ZNF695: variants seen among roughly 807,000 people sequenced by gnomAD.
ZNF695 encodes the protein zinc finger protein 695, also known as zinc finger protein SBZF3.
ZNF695 carries 11 observed loss-of-function variants against 11.2 expected under a neutral mutation model. The ratio of observed to expected loss-of-function variants is 0.98; its 90% CI spans 0.62 to 1.62. The LOEUF is 1.62. Among genes scored for constraint, ZNF695 ranks in the 40% most tolerant of loss-of-function variants. The probability of loss-of-function intolerance (pLI) is 0.00; values close to 1 mark genes in which losing one functional copy is unlikely to be tolerated. For missense variants in ZNF695, 559 were observed against 590.5 expected, an observed-to-expected ratio of 0.95 and a Z score of 0.55; for synonymous variants, 190 against 201.4, an observed-to-expected ratio of 0.94 and a Z score of 0.48.
chr1:246,997,166 A>C (rs1269659354), intron 3 of ZNF695, among the ~76,000 whole-genome samples: 1 of 152,130 alleles, frequency 6.6e-6, no homozygotes, highest in Non-Finnish European at 1.5e-5. Flanking sequence ...GTTTGAGACC[A>C]GCCTGGGCAG....
intron 5 of ZNF695, among the ~76,000 whole-genome samples, chr1:246,959,095 G>A (rs963269800): frequency 1.3e-5 from 2 of 150,838 alleles, no homozygotes; most frequent in African/African-American, 4.9e-5. Flanking sequence ...AGACAAGCCT[G>A]GGCAACATAG....
intron 4 of ZNF695, among the ~76,000 whole-genome samples, chr1:246,978,783 T>C (rs1400177858): frequency 6.6e-6 from 1 of 152,180 alleles, no homozygotes; most frequent in Non-Finnish European, 1.5e-5. Context: ...CTCCTTCATG[T>C]TACTCACTCA....
intron 1 of ZNF695, among the ~76,000 whole-genome samples, chr1:247,006,941 G>A (rs1210991644): frequency 2.6e-5 from 4 of 152,150 alleles, no homozygotes; most frequent in Admixed American, 2.6e-4. Flanking sequence ...CAAACTTGGA[G>A]AAAAACAAAA....
Position 246,976,788 on chromosome 1 carries a change from C to T in ZNF695, c.391-8996G>A, listed in dbSNP as rs556325654. ...CAGCCTGGGCGACAGAGCGAAACTC[C>T]GTCTCAAATAAATAAATAAATAAAT... On this transcript the variant is annotated intron_variant, in intron 4 of 5. Coordinates refer to the ZNF695 transcript ENST00000487338. Among the ~76,000 whole-genome samples the T allele has an allele frequency of 2.8e-4, 42 of 150,974 alleles. No homozygotes were observed. In the South Asian group the frequency reaches 6.9e-3, roughly 25 times the overall value.
chr1:246,997,294 G>T (rs2818894), intron 3 of ZNF695, among the ~76,000 whole-genome samples: 1 of 152,110 alleles, frequency 6.6e-6, no homozygotes, highest in Non-Finnish European at 1.5e-5. Context: ...CTTGAGGTCA[G>T]GAGTTCAAGA....
chr1:246,976,317 AT>A (rs1452089079), intron 4 of ZNF695, among the ~76,000 whole-genome samples: 1 of 152,126 alleles, frequency 6.6e-6, no homozygotes. Flanking sequence ...TTGCAAAACA[AT>A]TTTTTAATTA....
intron 4 of ZNF695, among the ~76,000 whole-genome samples, chr1:246,976,551 T>C (rs561274958): frequency 1.3e-5 from 2 of 151,810 alleles, no homozygotes; most frequent in Admixed American, 6.6e-5. Context: ...TCCCAGCACT[T>C]TGGGAGGCCA....
chr1:246,958,367 C>A (rs1475204708), intron 5 of ZNF695, among the ~76,000 whole-genome samples: 4 of 151,946 alleles, frequency 2.6e-5, no homozygotes. Context: ...CGGGACTTGT[C>A]TTATGATTGC....
intron 4 of ZNF695, among the ~76,000 whole-genome samples, chr1:246,971,483 C>A (rs1346861482): frequency 7.2e-5 from 11 of 152,216 alleles, no homozygotes; most frequent in Non-Finnish European, 2.9e-5. Flanking sequence ...GGGAGACTCC[C>A]TTTCCTGGTC....
At chr1:246,985,232 T>C (rs940129654), downstream of ZNF695, 7 of 913,308 alleles carry the variant, frequency 7.7e-6, no homozygotes, top group Non-Finnish European at 9.2e-6. Context: ...AAAGCATGTA[T>C]ATGTTTTGCA....
At chr1:247,004,256 A>C (rs988805490) in intron 1 of ZNF695, among the ~76,000 whole-genome samples, 25 of 152,266 alleles carry the variant, frequency 1.6e-4, no homozygotes, top group African/African-American at 6.0e-4. Context: ...ACCAAGTGGG[A>C]TTTATCCCAG....
intron 5 of ZNF695, among the ~76,000 whole-genome samples, chr1:246,957,931 T>C (rs114699837): frequency 0.017 from 2,546 of 152,260 alleles, 35 homozygotes; most frequent in African/African-American, 0.038. Context: ...GTATATTTAT[T>C]ACTACATGCA....
chr1:246,953,566 G>A (rs371776966), intron 5 of ZNF695, among the ~76,000 whole-genome samples: 14 of 148,810 alleles, frequency 9.4e-5, no homozygotes, highest in African/African-American at 1.5e-4. Context: ...AGCCAAGATC[G>A]CACCACTGCA....
chr1:246,976,755 C>T (rs1418245693), intron 4 of ZNF695, among the ~76,000 whole-genome samples: 1 of 152,126 alleles, frequency 6.6e-6, no homozygotes, highest in Non-Finnish European at 1.5e-5. Flanking sequence ...GATCGCGCCA[C>T]TGCACTCCAG....
downstream of ZNF695, among the ~76,000 whole-genome samples, chr1:246,984,746 G>A (rs995546095): frequency 6.6e-6 from 1 of 152,142 alleles, no homozygotes; most frequent in African/African-American, 2.4e-5. Context: ...AAATGGAAAT[G>A]TACTAATTAA....
chr1:246,985,570 G>A lies in ZNF695; in HGVS notation c.*1397C>T, dbSNP rs1472918059. ...TAGGTTAACGTTGGTGGTAGGATAC[G>A]CATCACTTAATGTACAACGGTCCAA... On this transcript the variant is annotated 3_prime_UTR_variant, in exon 4 of 4. Transcript: ENST00000339986. 22 of 984,740 alleles carry A rather than the reference G, an allele frequency of 2.2e-5. No individual in the cohort carries two copies. Among genetic ancestry groups the A allele is most frequent in the South Asian group, 1.4e-4 (3 of 21,260 alleles). The allele number at this position is 984,740 out of a possible 1,614,324, so 61.0% of individuals were successfully genotyped here.
downstream of ZNF695, among the ~76,000 whole-genome samples, chr1:246,983,066 T>G (rs1668754081): frequency 6.6e-6 from 1 of 151,758 alleles, no homozygotes; most frequent in Admixed American, 6.6e-5. Flanking sequence ...TAGCCGGGTG[T>G]GGTGGCGGGC....
chr1:246,961,150 A>G (rs889910365), intron 5 of ZNF695, among the ~76,000 whole-genome samples: 4 of 152,198 alleles, frequency 2.6e-5, no homozygotes, highest in African/African-American at 9.7e-5. Context: ...CTTAACATCA[A>G]ATAATGCATA....
chr1:246,990,289 C>G (rs1449672541), intron 3 of ZNF695, among the ~76,000 whole-genome samples: 6 of 151,858 alleles, frequency 4.0e-5, no homozygotes, highest in African/African-American at 1.5e-4. Context: ...GAAAAACAAA[C>G]AAACAAACAA....
Sources: allele counts gnomAD v4.1 joint callset (sites outside exome capture counted in the v4.1 genomes callset), GRCh38; gene constraint gnomAD v4.1.1; transcripts MANE v1.5; gene names NCBI Gene and HGNC (gene_info 2026-07-23, HGNC 2026-07-21).